Variants in RDH13 observed in about 807,000 individuals in gnomAD.
RDH13 encodes retinol dehydrogenase 13 (all-trans and 9-cis).
RDH13 carries 35 observed loss-of-function variants against 28.3 expected under a neutral mutation model. The ratio of observed to expected loss-of-function variants is 1.24; its 90% CI spans 0.95 to 1.64. The LOEUF is 1.64. Among genes scored for constraint, RDH13 ranks in the 40% most tolerant of loss-of-function variants. The probability of loss-of-function intolerance (pLI) is 0.00; values close to 1 mark genes in which losing one functional copy is unlikely to be tolerated. For missense variants in RDH13, 514 were observed against 446.3 expected (o/e 1.15, Z -1.37); for synonymous variants, 229 against 198.5 (o/e 1.15, Z -1.29).
Position 55,048,423 on chromosome 19 carries a change from G to A in RDH13, c.564C>T (p.Asn188=). ...TGGTGTTATACTTCCTCGTCTGCCA[G>A]TTCAAGTCGTCAAAGTCTATGTGCC... ...VAGHIDFDDL[N]WQTRKYNTKA... The change falls in exon 5 of 7, where the codon AAC becomes AAT. Residue 188 remains asparagine (N), a synonymous_variant. Transcript: ENST00000415061. 6.2e-7 allele frequency: 1 copy of A among 1,614,218 alleles called. No individual in the cohort carries two copies. Among genetic ancestry groups the A allele is most frequent in the Admixed American group, 1.7e-5 (1 of 60,004 alleles).
At position 55,044,873 on chromosome 19, in the gene RDH13, C is replaced by T. The variant is rs549205013; in HGVS notation, c.*201G>A. On this transcript the variant is annotated 3_prime_UTR_variant, in exon 7 of 7. Coordinates refer to ENST00000415061, the MANE Select transcript of RDH13 (RefSeq NM_001145971.2). ...TCTCCCCTGCTGGCAGCAGAGCAGACGGAACCAGCCAGAGCCCAGGGCAGT... is the reference window on the plus strand; with the variant it reads ...TCTCCCCTGCTGGCAGCAGAGCAGATGGAACCAGCCAGAGCCCAGGGCAGT... 4.0e-5 allele frequency: 21 copies of T among 522,852 alleles called. No individual in the cohort carries two copies. In the South Asian group the frequency reaches 4.6e-4, roughly 11 times the overall value. The allele number at this position is 522,852 out of a possible 1,614,324, so 32.4% of individuals were successfully genotyped here.
chr19:55,059,266 GACAT>G lies in RDH13; in HGVS notation c.71_74del (p.Tyr24SerfsTer19). 2 of 1,596,446 alleles carry G rather than the reference GACAT, an allele frequency of 1.3e-6. No individual in the cohort carries two copies. The highest frequency in any genetic ancestry group is 2.3e-5 in the South Asian group (2 of 88,100). On this transcript the variant is annotated frameshift_variant, in exon 2 of 7. Coordinates refer to ENST00000415061, the MANE Select transcript of RDH13 (RefSeq NM_001145971.2). LOFTEE classifies it high-confidence loss of function. ...CCTTGCTGGGGCAAGCCCCACCGGTGACATAGTCCCTGAGGGTGAGAAGCGGCAC... is the reference window on the plus strand; with the variant it reads ...CCTTGCTGGGGCAAGCCCCACCGGTGAGTCCCTGAGGGTGAGAAGCGGCAC...
chr19:55,052,035 T>C (rs1407500092), intron 3 of RDH13, among the ~76,000 whole-genome samples: 4 of 151,036 alleles, frequency 2.6e-5, no homozygotes, highest in Non-Finnish European at 5.9e-5. Flanking sequence ...CCTGGCCTGT[T>C]GTTTTGTTTA....
upstream of RDH13, among the ~76,000 whole-genome samples, chr19:55,065,502 T>C: frequency 6.6e-6 from 1 of 151,710 alleles, no homozygotes; most frequent in Non-Finnish European, 1.5e-5. Flanking sequence ...TCCTTTTCTG[T>C]AAACTGAAAT....
At position 55,048,753 on chromosome 19, in the gene RDH13, T is replaced by C; in HGVS notation, c.351A>G (p.Arg117=). ...FAAKIIEEEE[R]VDILINNAGV... is the part of the protein sequence containing the mutation. ...CCGCGTTGTTGATTAGAATGTCCAC[T>C]CGCTCCTCCTCTGGAAGAGAGGGGT... Residue 117 remains arginine (R), a synonymous_variant, in exon 4 of 7, where the codon CGA becomes CGG. Coordinates refer to ENST00000415061, the MANE Select transcript of RDH13 (RefSeq NM_001145971.2). 1 of 1,613,742 alleles carries C rather than the reference T, an allele frequency of 6.2e-7. No homozygotes were observed. The highest frequency in any genetic ancestry group is 1.1e-5 in the South Asian group (1 of 91,048).
intron 3 of RDH13, among the ~76,000 whole-genome samples, chr19:55,055,176 A>G (rs1039120467): frequency 2.0e-5 from 3 of 152,048 alleles, no homozygotes; most frequent in African/African-American, 4.8e-5. Flanking sequence ...TTATTGAGAC[A>G]GAGTCTCACT....
intron 3 of RDH13, 101 bp downstream of exon 3, chr19:55,056,552 A>G (rs1277915758): frequency 5.5e-6 from 8 of 1,446,812 alleles, no homozygotes; most frequent in Non-Finnish European, 6.4e-6. Context: ...TAGTTTGCCA[A>G]AACTCTGCTC....
chr19:55,039,994 G>C (rs910264253), downstream of RDH13, among the ~76,000 whole-genome samples: 22 of 152,180 alleles, frequency 1.4e-4, no homozygotes, highest in Admixed American at 7.2e-4. Flanking sequence ...CAAATTCATA[G>C]AGACAGGGAT....
chr19:55,055,745 T>G (rs1274817909), intron 3 of RDH13, among the ~76,000 whole-genome samples: 1 of 150,892 alleles, frequency 6.6e-6, no homozygotes, highest in Non-Finnish European at 1.5e-5. Flanking sequence ...CCCAGCTACT[T>G]GGGAGGCTGA....
At chr19:55,061,497 GACT>G (rs1461802738) in intron 1 of RDH13, among the ~76,000 whole-genome samples, 1 of 151,192 alleles carries the variant, frequency 6.6e-6, no homozygotes, top group Non-Finnish European at 1.5e-5. Flanking sequence ...GACCCTATAA[GACT>G]ACAAGGCAGG....
chr19:55,045,299 G>C lies in RDH13; in HGVS notation c.771C>G (p.Phe257Leu). Residue 257 changes from phenylalanine to leucine, a missense_variant, in exon 7 of 7, where the codon TTC becomes TTG. Coordinates refer to ENST00000415061, the MANE Select transcript of RDH13 (RefSeq NM_001145971.2). ...TFSSTTLGPIFWLLVKSPELA... is the reference protein window; with the variant it reads ...TFSSTTLGPILWLLVKSPELA... ...GCTCGGGGCTCTTGACCAGCAGCCA[G>C]AAGATGGGCCCTGCAATCAGCCCAC... The C allele has an allele frequency of 6.2e-7, 1 of 1,612,052 alleles. No individual in the cohort carries two copies.
rs556307522 is a variant in RDH13 at position 55,059,215 on chromosome 19, G to A, written c.126C>T (p.Ile42=). 1.6e-5 allele frequency: 26 copies of A among 1,605,474 alleles called. No homozygotes were observed. The East Asian group carries it at 2.7e-4, about 17-fold the overall frequency. Residue 42 remains isoleucine, a synonymous_variant, in exon 2 of 7, where the codon ATC becomes ATT. Transcript: ENST00000415061. ...SKATIPGKTV[I]VTGANTGIGK... is the part of the protein sequence containing the mutation. Reference sequence around the variant, plus strand: ...CGATGCCTGTGTTGGCACCCGTCACGATGACCGTCTTCCCAGGGATGGTGG... The same window carrying A: ...CGATGCCTGTGTTGGCACCCGTCACAATGACCGTCTTCCCAGGGATGGTGG...
At chr19:55,062,847 C>CT (rs2075847976) in intron 1 of RDH13, 121 bp downstream of exon 1, 2 of 890,812 alleles carry the variant, frequency 2.2e-6, no homozygotes, top group Non-Finnish European at 3.1e-6. Flanking sequence ...CGGGCGGGCA[C>CT]TGCGGGTCGG....
rs553572508 is a variant in RDH13 at position 55,044,984 on chromosome 19, G to A, written c.*90C>T. 29 of 1,009,910 alleles carry A rather than the reference G, an allele frequency of 2.9e-5. No individual in the cohort carries two copies. Among genetic ancestry groups the A allele is most frequent in the African/African-American group, 3.2e-5 (2 of 61,788 alleles). 62.6% of individuals were successfully genotyped at this position (1,009,910 alleles called of 1,614,324 possible). A position where few individuals can be genotyped will look rare whatever the true frequency, so the allele number is the denominator to read the frequency against. ...GGCGGCCGCCAGTCCTGGGTCTCCCGGCTCAGGTAGTGCCAGGAAGCTGCG... is the reference window on the plus strand; with the variant it reads ...GGCGGCCGCCAGTCCTGGGTCTCCCAGCTCAGGTAGTGCCAGGAAGCTGCG... On this transcript the variant is annotated 3_prime_UTR_variant, in exon 7 of 7. Coordinates refer to ENST00000415061, the MANE Select transcript of RDH13 (RefSeq NM_001145971.2).
intron 3 of RDH13, chr19:55,050,965 G>C (rs1022759457): frequency 6.8e-6 from 1 of 148,098 alleles, no homozygotes; most frequent in Non-Finnish European, 1.5e-5. Flanking sequence ...GCATGATCCT[G>C]GCCAAGTCAC....
chr19:55,043,917 G>C (rs1319639608), downstream of RDH13, among the ~76,000 whole-genome samples: 2 of 98,558 alleles, frequency 2.0e-5, no homozygotes, highest in Admixed American at 1.2e-4. Flanking sequence ...TAAAAAGTCG[G>C]AACTTTTTTT....
chr19:55,054,023 T>C (rs1417178604), intron 3 of RDH13: 1 of 150,908 alleles, frequency 6.6e-6, no homozygotes, highest in Non-Finnish European at 1.5e-5. Context: ...GCCGGCTCTT[T>C]CTTGATCCCC....
chr19:55,047,008 T>C lies in RDH13; in HGVS notation c.760+379A>G, dbSNP rs933640451. 5 of 497,410 alleles carry C rather than the reference T, an allele frequency of 1.0e-5. No homozygotes were observed. In the African/African-American group the frequency reaches 1.0e-4, roughly 10 times the overall value. The allele number at this position is 497,410 out of a possible 1,614,324, so 30.8% of individuals were successfully genotyped here. A position where few individuals can be genotyped will look rare whatever the true frequency, so the allele number is the denominator to read the frequency against. ...CCCCCAGTGACTGTGAGGTGAGTCC[T>C]ATTAAGGCCTGCACTCTGCAGATGA... On this transcript the variant is annotated intron_variant, in intron 6 of 6. Coordinates refer to ENST00000415061, the MANE Select transcript of RDH13 (RefSeq NM_001145971.2).
chr19:55,048,756 C>T lies in RDH13; in HGVS notation c.348G>A (p.Glu116=). ...EFAAKIIEEE[E]RVDILINNAG... ...CGTTGTTGATTAGAATGTCCACTCG[C>T]TCCTCCTCTGGAAGAGAGGGGTGGA... The change falls in exon 4 of 7, where the codon GAG becomes GAA. Residue 116 remains glutamate (E), a synonymous_variant. Transcript: ENST00000415061. 6.2e-7 allele frequency: 1 copy of T among 1,612,054 alleles called. No individual in the cohort carries two copies. Among genetic ancestry groups the T allele is most frequent in the Non-Finnish European group, 8.5e-7 (1 of 1,179,880 alleles).
Sources: allele counts gnomAD v4.1 joint callset (sites outside exome capture counted in the v4.1 genomes callset), GRCh38; gene constraint gnomAD v4.1.1; transcripts MANE v1.5; gene names NCBI Gene and HGNC (gene_info 2026-07-23, HGNC 2026-07-21).